Variants in SYBU observed in about 807,000 individuals in gnomAD.
The protein encoded by SYBU is syntabulin.
Under a neutral mutation model 35.9 loss-of-function variants are expected in SYBU, and 21 were observed. That is an observed-to-expected ratio of 0.58 (90% CI 0.41 to 0.84). The LOEUF (loss-of-function observed/expected upper bound fraction) is 0.84. SYBU is among the 40% of genes least tolerant of loss of function. The pLI is 0.00. For synonymous variants in SYBU, 319 were observed against 324.3 expected, an observed-to-expected ratio of 0.98 and a Z score of 0.18; for missense variants, 768 against 848.2, an observed-to-expected ratio of 0.91 and a Z score of 1.17.
intron 2 of SYBU, among the ~76,000 whole-genome samples, chr8:109,627,038 A>G (rs1813056897): frequency 6.8e-6 from 1 of 146,404 alleles, no homozygotes; most frequent in Non-Finnish European, 1.5e-5. Context: ...GAACTAAACA[A>G]TTCCAGAAGA....
chr8:109,675,865 A>C (rs985773492), intron 1 of SYBU, among the ~76,000 whole-genome samples: 3 of 152,230 alleles, frequency 2.0e-5, no homozygotes, highest in Non-Finnish European at 4.4e-5. Flanking sequence ...AATATCCCTG[A>C]TGAACACTGA....
At chr8:109,627,435 G>A (rs1166217071) in intron 2 of SYBU, among the ~76,000 whole-genome samples, 2 of 152,102 alleles carry the variant, frequency 1.3e-5, no homozygotes, top group Non-Finnish European at 2.9e-5. Flanking sequence ...ATACCTTTCG[G>A]TGCATTTATA....
intron 1 of SYBU, among the ~76,000 whole-genome samples, chr8:109,655,712 A>C (rs570951626): frequency 2.6e-5 from 4 of 152,168 alleles, no homozygotes; most frequent in Non-Finnish European, 5.9e-5. Flanking sequence ...TCTAAGTGAG[A>C]ATTTATTTTA....
chr8:109,619,955 A>G (rs1812242844), intron 2 of SYBU, among the ~76,000 whole-genome samples: 1 of 152,228 alleles, frequency 6.6e-6, no homozygotes, highest in Admixed American at 6.5e-5. Context: ...TGTTCCTTTA[A>G]CTTTCAAATA....
Position 109,642,717 on chromosome 8 carries a change from G to GCAGGCCTCCCGAGCA in SYBU, c.229+10_229+11insTGCTCGGGAGGCCTG. The GCAGGCCTCCCGAGCA allele has an allele frequency of 6.4e-7, 1 of 1,567,104 alleles. No homozygotes were observed. The highest frequency in any genetic ancestry group is 8.6e-7 in the Non-Finnish European group (1 of 1,156,228). On this transcript the variant is annotated intron_variant, in intron 2 of 6. Transcript: ENST00000276646. Reference sequence around the variant, plus strand: ...CTTCACGCCTCTGGTGGCCTCCCGAGGGTACTGTACCTGAGCAGAAGCTGT... The same window carrying GCAGGCCTCCCGAGCA: ...CTTCACGCCTCTGGTGGCCTCCCGAGCAGGCCTCCCGAGCAGGTACTGTACCTGAGCAGAAGCTGT...
chr8:109,641,272 C>T (rs1232204776), intron 2 of SYBU, among the ~76,000 whole-genome samples: 1 of 152,192 alleles, frequency 6.6e-6, no homozygotes, highest in African/African-American at 2.4e-5. Context: ...CAAACATGCT[C>T]ACAACTTTAA....
intron 5 of SYBU, among the ~76,000 whole-genome samples, chr8:109,578,988 G>A (rs1179365122): frequency 3.3e-5 from 5 of 152,172 alleles, no homozygotes; most frequent in African/African-American, 1.2e-4. Flanking sequence ...AGCCCTTGCT[G>A]GAATCTTGGC....
At chr8:109,612,056 C>T (rs369555801) in intron 3 of SYBU, among the ~76,000 whole-genome samples, 3 of 152,146 alleles carry the variant, frequency 2.0e-5, no homozygotes, top group South Asian at 4.1e-4. Context: ...GACTTTACTA[C>T]TATGGCCGCG....
At chr8:109,588,913 A>G (rs901987333) in intron 3 of SYBU, among the ~76,000 whole-genome samples, 1 of 152,206 alleles carries the variant, frequency 6.6e-6, no homozygotes, top group African/African-American at 2.4e-5. Flanking sequence ...TAATCCCAGC[A>G]CTTTGGGAGG....
At chr8:109,602,429 A>ATT (rs751669435) in intron 3 of SYBU, among the ~76,000 whole-genome samples, 2,254 of 132,614 alleles carry the variant, frequency 0.017, 56 homozygotes, top group African/African-American at 0.059. Flanking sequence ...CCTCTGTGTA[A>ATT]TTTTTTTTTT....
intron 2 of SYBU, among the ~76,000 whole-genome samples, chr8:109,632,369 A>G (rs1042290310): frequency 2.0e-5 from 3 of 152,216 alleles, no homozygotes; most frequent in African/African-American, 7.2e-5. Flanking sequence ...TTCTCTTGAA[A>G]AACTTATAAT....
chr8:109,636,792 C>T (rs193150829), intron 2 of SYBU, among the ~76,000 whole-genome samples: 3 of 151,956 alleles, frequency 2.0e-5, no homozygotes, highest in Non-Finnish European at 2.9e-5. Flanking sequence ...ATTCTTTCTC[C>T]TCCTCCTTAC....
intron 1 of SYBU, among the ~76,000 whole-genome samples, chr8:109,657,736 C>T (rs189731139): frequency 2.0e-5 from 3 of 152,270 alleles, no homozygotes; most frequent in African/African-American, 7.2e-5. Context: ...TTGAGCAATC[C>T]CCTTGTCTAG....
chr8:109,585,947 A>T, intron 4 of SYBU, 113 bp downstream of exon 4: 1 of 722,178 alleles, frequency 1.4e-6, no homozygotes, highest in South Asian at 1.9e-5. Context: ...AAAAAGCCTC[A>T]CTGAATAATA....
At chr8:109,673,306 C>G (rs1472480775) in intron 1 of SYBU, among the ~76,000 whole-genome samples, 1 of 152,170 alleles carries the variant, frequency 6.6e-6, no homozygotes, top group Non-Finnish European at 1.5e-5. Context: ...TTGGCGGGTG[C>G]CCCTCTGGGA....
intron 2 of SYBU, among the ~76,000 whole-genome samples, chr8:109,634,042 C>G (rs1175367854): frequency 6.6e-6 from 1 of 152,110 alleles, no homozygotes; most frequent in Non-Finnish European, 1.5e-5. Context: ...ATATAATTAC[C>G]TTTTAGATTG....
At chr8:109,625,728 G>T (rs1419860041) in intron 2 of SYBU, among the ~76,000 whole-genome samples, 3 of 152,030 alleles carry the variant, frequency 2.0e-5, no homozygotes, top group African/African-American at 7.2e-5. Context: ...GCCAAACATA[G>T]GATTTTTAAA....
At chr8:109,661,772 T>C (rs771043782) in intron 1 of SYBU, among the ~76,000 whole-genome samples, 3 of 152,204 alleles carry the variant, frequency 2.0e-5, no homozygotes, top group Non-Finnish European at 4.4e-5. Flanking sequence ...TAGAGATGTG[T>C]GATCAAAGAA....
intron 1 of SYBU, 64 bp from the exon 2 acceptor site, chr8:109,642,996 G>C (rs768697272): frequency 3.4e-6 from 5 of 1,452,964 alleles, no homozygotes; most frequent in South Asian, 3.1e-5. Context: ...AACTCCTGTC[G>C]GTTCCTTCAA....
Sources: gnomAD v4.1 joint callset for allele counts (sites outside exome capture counted in the v4.1 genomes callset) on GRCh38, gnomAD v4.1.1 for gene constraint, MANE v1.5 for transcripts, NCBI Gene and HGNC (gene_info 2026-07-23, HGNC 2026-07-21) for gene names.